The following PCNT variants were observed in gnomAD, a reference collection of about 807,000 sequenced individuals.
PCNT encodes the protein pericentrin, also known as kendrin.
PCNT carries 319 observed loss-of-function variants against 380.4 expected under a neutral mutation model. The observed-to-expected ratio is 0.84, with a 90% CI of 0.77 to 0.92. The LOEUF is 0.92. Among genes scored for constraint, PCNT ranks in the 40% least tolerant of loss-of-function variants. The pLI is 0.00. For missense variants in PCNT, 4,400 were observed against 4,255.3 expected (o/e 1.03, Z -0.95); for synonymous variants, 1,845 against 1,735.2 (o/e 1.06, Z -1.57).
chr21:46,411,541 G>C lies in PCNT; in HGVS notation c.5468G>C (p.Arg1823Pro). ...CAGGCCCTGGAGGCCCTGCAGCAGCGCCTCCAGGGCGCAGAGGAGGCTGCG... is the reference window on the plus strand; with the variant it reads ...CAGGCCCTGGAGGCCCTGCAGCAGCCCCTCCAGGGCGCAGAGGAGGCTGCG... ...HSQALEALQQ[R>P]LQGAEEAAEL... The change falls in exon 28 of 47, where the codon CGC becomes CCC. Residue 1823 changes from arginine to proline, a missense_variant. By Grantham distance (103) the Arg-to-Pro change is moderately radical. Coordinates refer to ENST00000359568, the MANE Select transcript of PCNT (RefSeq NM_006031.6). 1 of 1,611,132 alleles carries C rather than the reference G, an allele frequency of 6.2e-7. No individual in the cohort carries two copies. Among genetic ancestry groups the C allele is most frequent in the Non-Finnish European group, 8.5e-7 (1 of 1,178,944 alleles).
At chr21:46,397,113 ATGT>A (rs536674702) in intron 21 of PCNT, 149 bp from the exon 22 acceptor site, 2 of 692,088 alleles carry the variant, frequency 2.9e-6, no homozygotes, top group South Asian at 3.2e-5. Flanking sequence ...GCTTTAGCCA[ATGT>A]TGTTTTAAAA....
chr21:46,382,955 G>A (rs1179558753), intron 16 of PCNT, among the ~76,000 whole-genome samples: 1 of 135,552 alleles, frequency 7.4e-6, no homozygotes, highest in Non-Finnish European at 1.5e-5. Context: ...TTCAGTGACG[G>A]AAGCGCATTC....
Position 46,368,447 on chromosome 21 carries a change from C to CA in PCNT, c.3165+1320dup, listed in dbSNP as rs564219349. On this transcript the variant is annotated intron_variant, in intron 15 of 46. Coordinates refer to ENST00000359568, the MANE Select transcript of PCNT (RefSeq NM_006031.6). ...TGGGAGACAGAGCAAGACTCTGTCT[C>CA]AAAAAAAAAAAAGCGGTGATGGTTC... 3.4e-3 allele frequency among the ~76,000 whole-genome samples: 465 copies of CA among 135,022 alleles called. 3 individuals carry two copies. Among genetic ancestry groups the CA allele is most frequent in the Middle Eastern group, 0.019 (5 of 268 alleles). The allele number at this position is 135,022 out of a possible 152,430, so 88.6% of individuals were successfully genotyped here. A position where few individuals can be genotyped will look rare whatever the true frequency, so the allele number is the denominator to read the frequency against.
intron 19 of PCNT, among the ~76,000 whole-genome samples, chr21:46,390,126 C>T (rs1488779493): frequency 6.6e-6 from 1 of 152,238 alleles, no homozygotes; most frequent in African/African-American, 2.4e-5. Flanking sequence ...TGGACTCCAG[C>T]AGCCAGCCTG....
At chr21:46,362,655 A>T (rs1374598764) in intron 13 of PCNT, among the ~76,000 whole-genome samples, 1 of 152,006 alleles carries the variant, frequency 6.6e-6, no homozygotes, top group Non-Finnish European at 1.5e-5. Flanking sequence ...TTTGAAAGTC[A>T]GGAAGTCAGG....
Position 46,388,689 on chromosome 21 carries a change from G to A in PCNT, c.3465-53G>A. The A allele has an allele frequency of 6.2e-7, 1 of 1,608,442 alleles. No homozygotes were observed. Among genetic ancestry groups the A allele is most frequent in the Non-Finnish European group, 8.5e-7 (1 of 1,178,660 alleles). ...CGGCCCCTCAGCAGCATCCAGGGTG[G>A]GGGTTCTTATGCCGTGACCAGCTTG... On this transcript the variant is annotated intron_variant, in intron 17 of 46. Coordinates refer to ENST00000359568, the MANE Select transcript of PCNT (RefSeq NM_006031.6). The surrounding 1 kb of genome is among the most constrained non-coding windows in gnomAD (Gnocchi z 4.2).
chr21:46,326,439 G>A lies in PCNT; in HGVS notation c.117G>A (p.Ala39=), dbSNP rs2083397239. 1.9e-6 allele frequency: 3 copies of A among 1,614,222 alleles called. No homozygotes were observed. Among genetic ancestry groups the A allele is most frequent in the East Asian group, 2.2e-5 (1 of 44,892 alleles). The change falls in exon 2 of 47, where the codon GCG becomes GCA. Residue 39 remains alanine, a synonymous_variant. Transcript: ENST00000359568. ...GTTCGCATTCGGAGAAAAAGACGGC[G>A]AAGAGGAAGGGCTCGGCTGTCGATG... ...GDSSHSEKKT[A]KRKGSAVDAS...
Position 46,432,229 on chromosome 21 carries a change from G to A in PCNT, c.8751+14G>A. The A allele has an allele frequency of 6.3e-7, 1 of 1,596,710 alleles. No homozygotes were observed. Among genetic ancestry groups the A allele is most frequent in the South Asian group, 1.1e-5 (1 of 89,464 alleles). ...AAGGAGAAGCTGGTGAGAGCCGCCT[G>A]CCGGCGGAGCGTCCACACCTAAAAA... On this transcript the variant is annotated intron_variant, in intron 38 of 46. Transcript: ENST00000359568.
chr21:46,355,765 C>T (rs2084452214), intron 12 of PCNT, 139 bp downstream of exon 12: 4 of 849,256 alleles, frequency 4.7e-6, no homozygotes, highest in South Asian at 4.3e-5. Flanking sequence ...GGGGCTGACA[C>T]CTCAACAGAG....
intron 20 of PCNT, 105 bp from the exon 21 acceptor site, chr21:46,391,059 G>T (rs1031375679): frequency 4.9e-6 from 6 of 1,235,054 alleles, no homozygotes; most frequent in Non-Finnish European, 5.8e-6. Flanking sequence ...CTGGCTCTTA[G>T]CTCTGCTGCT....
chr21:46,376,672 A>G (rs1569220169), intron 15 of PCNT, among the ~76,000 whole-genome samples: 2 of 152,178 alleles, frequency 1.3e-5, no homozygotes, highest in Admixed American at 1.3e-4. Flanking sequence ...CTGAACCAGC[A>G]TCCCTGTTTG....
intron 42 of PCNT, 63 bp downstream of exon 42, chr21:46,440,265 C>G: frequency 6.3e-7 from 1 of 1,584,302 alleles, no homozygotes; most frequent in Non-Finnish European, 8.6e-7. Flanking sequence ...TTGCAAATTG[C>G]AGGCAAAGCA....
At chr21:46,436,759 G>T (rs75710283) in intron 39 of PCNT, among the ~76,000 whole-genome samples, 1 of 152,012 alleles carries the variant, frequency 6.6e-6, no homozygotes, top group Non-Finnish European at 1.5e-5. Flanking sequence ...TCGGTGGCGC[G>T]CCTCCCGGCT....
rs1435986140 is a variant in PCNT, at chr21:46,383,441, G to A, written c.3312+1601G>A. ...CATTCAGTGGCAGAAGCGCATTCACGGTGTTGTGCGTTCAGTGGCAGAAGC... is the reference window on the plus strand; with the variant it reads ...CATTCAGTGGCAGAAGCGCATTCACAGTGTTGTGCGTTCAGTGGCAGAAGC... On this transcript the variant is annotated intron_variant, in intron 16 of 46. Transcript: ENST00000359568. 1.6e-4 allele frequency among the ~76,000 whole-genome samples: 21 copies of A among 131,722 alleles called. 1 individual carries two copies. Among genetic ancestry groups the A allele is most frequent in the East Asian group, 9.9e-4 (4 of 4,030 alleles). The allele number at this position is 131,722 out of a possible 152,430, so 86.4% of individuals were successfully genotyped here.
At chr21:46,326,696 G>C (rs993622277) in intron 2 of PCNT, 107 bp downstream of exon 2, 5 of 1,187,088 alleles carry the variant, frequency 4.2e-6, no homozygotes, top group Non-Finnish European at 1.2e-6. Flanking sequence ...TCAAAAGTGA[G>C]GAAAGAGGGT....
At position 46,382,866 on chromosome 21, in the gene PCNT, G is replaced by A. The variant is rs1448975421; in HGVS notation, c.3312+1026G>A. Among the ~76,000 whole-genome samples the A allele has an allele frequency of 3.7e-3, 413 of 112,594 alleles. 5 individuals are homozygous for A. The highest frequency in any genetic ancestry group is 0.018 in the African/African-American group (316 of 17,296). 73.9% of individuals were successfully genotyped at this position (112,594 alleles called of 152,430 possible). A position where few individuals can be genotyped will look rare whatever the true frequency, so the allele number is the denominator to read the frequency against. ...CGTTCAGTGGCGGAAGCCCATTCAT[G>A]GTGTTGTGCATTCAGTGGCGGAAGC... On this transcript the variant is annotated intron_variant, in intron 16 of 46. Transcript: ENST00000359568.
intron 29 of PCNT, among the ~76,000 whole-genome samples, chr21:46,415,365 A>ATTTTTTTTTTTTT (rs35983555): frequency 1.5e-5 from 1 of 65,284 alleles, no homozygotes; most frequent in Non-Finnish European, 2.6e-5. Context: ...GTTTCTTTGA[A>ATTTTTTTTTTTTT]TTTTTTTTTT....
In PCNT at chr21:46,425,814, G is replaced by T. The variant is rs555207936; in HGVS notation, c.7180-17G>T. ...GGGTGGCAGGCAACTCCCTTCTGAC[G>T]CGCTTTCCCGCCACAGGCTTTACTG... On this transcript the variant is annotated splice_polypyrimidine_tract_variant and intron_variant, in intron 32 of 46. Transcript: ENST00000359568. This position sits in a 1 kb window ranked among gnomAD's most constrained non-coding sequence, Gnocchi z 4.2. 1.2e-4 allele frequency: 187 copies of T among 1,612,846 alleles called. 4 individuals are homozygous for T. The South Asian group carries it at 2.0e-3, about 17-fold the overall frequency.
intron 29 of PCNT, among the ~76,000 whole-genome samples, chr21:46,414,637 C>T (rs1452373137): frequency 1.3e-5 from 2 of 148,998 alleles, no homozygotes; most frequent in South Asian, 2.2e-4. Context: ...GCCGCCCACT[C>T]TCCTCCTCCT....
Sources: gnomAD v4.1 joint callset for allele counts (sites outside exome capture counted in the v4.1 genomes callset) on GRCh38, gnomAD v4.1.1 for gene constraint, Gnocchi (gnomAD v3.1) non-coding constraint, MANE v1.5 for transcripts, NCBI Gene and HGNC (gene_info 2026-07-23, HGNC 2026-07-21) for gene names.